The following SPAG16 variants were observed in gnomAD, a reference collection of about 807,000 sequenced individuals.
The protein encoded by SPAG16 is sperm-associated antigen 16 protein.
SPAG16 carries 86 observed loss-of-function variants against 80.4 expected under a neutral mutation model. The ratio of observed to expected loss-of-function variants is 1.07; its 90% CI spans 0.90 to 1.28. The LOEUF is 1.28. Among genes scored for constraint, SPAG16 ranks in the 50% most tolerant of loss-of-function variants. The pLI, the probability that SPAG16 is intolerant of heterozygous loss-of-function variation, is 0.00. For synonymous variants in SPAG16, 294 were observed against 265.9 expected, an observed-to-expected ratio of 1.11 and a Z score of -1.03; for missense variants, 870 against 765.3, an observed-to-expected ratio of 1.14 and a Z score of -1.61.
intron 13 of SPAG16, among the ~76,000 whole-genome samples, chr2:214,037,968 C>A (rs2048800469): frequency 6.8e-6 from 1 of 147,592 alleles, no homozygotes; most frequent in Non-Finnish European, 1.5e-5. Flanking sequence ...GTTTTGGATG[C>A]AGAACATATT....
intron 15 of SPAG16, among the ~76,000 whole-genome samples, chr2:214,346,647 A>G (rs946444174): frequency 1.3e-5 from 2 of 152,206 alleles, no homozygotes; most frequent in Non-Finnish European, 2.9e-5. Context: ...CATTAGCCAC[A>G]TTGCTCACTG....
intron 10 of SPAG16, among the ~76,000 whole-genome samples, chr2:213,753,277 G>T: frequency 6.6e-6 from 1 of 152,166 alleles, no homozygotes; most frequent in East Asian, 1.9e-4. Context: ...CTCCCAAAGT[G>T]CTGGGATTAC....
chr2:214,304,215 GC>G (rs905985626), intron 15 of SPAG16, among the ~76,000 whole-genome samples: 5 of 152,040 alleles, frequency 3.3e-5, no homozygotes, highest in Non-Finnish European at 2.9e-5. Flanking sequence ...TTGGGAACAG[GC>G]CCCCCAAAAT....
intron 8 of SPAG16, among the ~76,000 whole-genome samples, chr2:213,368,451 C>T (rs188871297): frequency 6.6e-6 from 1 of 152,094 alleles, no homozygotes; most frequent in Admixed American, 6.6e-5. Context: ...AACCCACAGC[C>T]AATATCATAC....
intron 9 of SPAG16, among the ~76,000 whole-genome samples, chr2:213,392,707 C>T (rs1396641362): frequency 2.0e-5 from 3 of 151,806 alleles, no homozygotes; most frequent in East Asian, 1.9e-4. Flanking sequence ...ATTAGCCAGG[C>T]GTGGTGGCGG....
intron 13 of SPAG16, among the ~76,000 whole-genome samples, chr2:214,052,382 T>C (rs944099992): frequency 6.6e-6 from 1 of 152,240 alleles, no homozygotes; most frequent in African/African-American, 2.4e-5. Flanking sequence ...CAACGTTTTC[T>C]GGTTTAACTC....
At chr2:213,298,267 TC>T (rs776765743) in intron 3 of SPAG16, among the ~76,000 whole-genome samples, 1 of 152,204 alleles carries the variant, frequency 6.6e-6, no homozygotes, top group Non-Finnish European at 1.5e-5. Flanking sequence ...CTCTAATGAA[TC>T]CCATGGACAT....
intron 10 of SPAG16, among the ~76,000 whole-genome samples, chr2:213,834,857 A>C (rs2073989002): frequency 1.3e-5 from 2 of 152,126 alleles, no homozygotes; most frequent in East Asian, 3.8e-4. Context: ...CAGAAATAGT[A>C]CCCTTTCAGA....
chr2:214,300,318 G>C (rs1033027810), intron 15 of SPAG16, among the ~76,000 whole-genome samples: 1 of 152,012 alleles, frequency 6.6e-6, no homozygotes, highest in African/African-American at 2.4e-5. Context: ...AAATGAAAAG[G>C]ATCAGTAATC....
At chr2:214,353,915 A>T (rs1698589046) in intron 15 of SPAG16, among the ~76,000 whole-genome samples, 2 of 152,108 alleles carry the variant, frequency 1.3e-5, no homozygotes, top group South Asian at 4.1e-4. Context: ...TACATCTGAA[A>T]ATATAGGCTG....
At chr2:213,596,241 C>T (rs1204308912) in intron 10 of SPAG16, among the ~76,000 whole-genome samples, 1 of 152,042 alleles carries the variant, frequency 6.6e-6, no homozygotes, top group African/African-American at 2.4e-5. Flanking sequence ...GATAATGGTG[C>T]AGAGCTTTTA....
chr2:214,149,077 G>GTGTATATATATATA (rs879196704), intron 14 of SPAG16, 63 bp from the exon 15 acceptor site: 31 of 240,202 alleles, frequency 1.3e-4, no homozygotes, highest in Middle Eastern at 1.3e-3. Context: ...GTGTGTGTGT[G>GTGTATATATATATA]TATATATATA....
At chr2:213,983,909 C>A (rs1047247605) in intron 12 of SPAG16, among the ~76,000 whole-genome samples, 11 of 151,958 alleles carry the variant, frequency 7.2e-5, no homozygotes, top group African/African-American at 2.7e-4. Context: ...ACATTGGAAC[C>A]CGCATGCAAG....
intron 10 of SPAG16, among the ~76,000 whole-genome samples, chr2:213,792,137 T>G (rs2070736026): frequency 6.6e-6 from 1 of 152,240 alleles, no homozygotes; most frequent in African/African-American, 2.4e-5. Flanking sequence ...CTTTACAGGT[T>G]TGTTTGTTAC....
At chr2:213,518,042 T>A (rs958085532) in intron 10 of SPAG16, among the ~76,000 whole-genome samples, 1 of 152,140 alleles carries the variant, frequency 6.6e-6, no homozygotes, top group African/African-American at 2.4e-5. Flanking sequence ...GAGCAAATAT[T>A]CACAAACTAT....
At chr2:213,787,550 A>T (rs759870590) in intron 10 of SPAG16, among the ~76,000 whole-genome samples, 2 of 152,140 alleles carry the variant, frequency 1.3e-5, no homozygotes, top group African/African-American at 2.4e-5. Context: ...TTGGATAGCC[A>T]TGTAAGTCAT....
intron 12 of SPAG16, among the ~76,000 whole-genome samples, chr2:213,977,251 C>T (rs1227882060): frequency 2.0e-5 from 3 of 152,004 alleles, no homozygotes; most frequent in Admixed American, 6.6e-5. Flanking sequence ...CACTGCCCCC[C>T]AGGATTCCCC....
Position 214,231,174 on chromosome 2 carries a change from G to A in SPAG16, c.1720+81908G>A, listed in dbSNP as rs547672976. On this transcript the variant is annotated intron_variant, in intron 15 of 15. Coordinates refer to ENST00000331683, the MANE Select transcript of SPAG16 (RefSeq NM_024532.5). ...AATGGAAACAACTAAGTGAGTCTAG[G>A]ATTAGGTCAGGGTTTGATATTATCT... Among the ~76,000 whole-genome samples, 388 of 152,038 alleles carry A rather than the reference G, an allele frequency of 2.6e-3. 3 individuals carry two copies. Among genetic ancestry groups the A allele is most frequent in the African/African-American group, 9.1e-3 (377 of 41,504 alleles).
At chr2:214,194,663 T>C (rs1239935008) in intron 15 of SPAG16, among the ~76,000 whole-genome samples, 1 of 152,128 alleles carries the variant, frequency 6.6e-6, no homozygotes, top group African/African-American at 2.4e-5. Context: ...AGGATGTTTC[T>C]GACACTTTCA....
Sources: gnomAD v4.1 joint callset for allele counts (sites outside exome capture counted in the v4.1 genomes callset) on GRCh38, gnomAD v4.1.1 for gene constraint, MANE v1.5 for transcripts, NCBI Gene and HGNC (gene_info 2026-07-23, HGNC 2026-07-21) for gene names.